Variants in POLI observed in about 807,000 individuals in gnomAD.
The protein encoded by POLI is DNA polymerase iota, also known as RAD30 homolog B.
In POLI, 58 loss-of-function variants were observed where a neutral mutation model predicts 51.6. The observed-to-expected ratio is 1.12, with a 90% CI of 0.91 to 1.40. The LOEUF is 1.40. Ranked by LOEUF, POLI falls within the 40% of genes most tolerant of loss-of-function variation. The probability of loss-of-function intolerance (pLI) is 0.00; values close to 1 mark genes in which losing one functional copy is unlikely to be tolerated. For missense variants in POLI, 921 were observed against 871.3 expected, an observed-to-expected ratio of 1.06 and a Z score of -0.72; for synonymous variants, 322 against 299.7, an observed-to-expected ratio of 1.07 and a Z score of -0.77.
Position 54,289,702 on chromosome 18 carries a change from G to A in POLI, c.1199-2131G>A, listed in dbSNP as rs1385930626. Among the ~76,000 whole-genome samples, 3 of 151,588 alleles carry A rather than the reference G, an allele frequency of 2.0e-5. No homozygotes were observed. In the East Asian group the frequency reaches 5.8e-4, roughly 29 times the overall value. ...ATCTACAACCATCTGATCTTTGACAGACCTGACAGAAACAAGCAATGGGGA... is the reference window on the plus strand; with the variant it reads ...ATCTACAACCATCTGATCTTTGACAAACCTGACAGAAACAAGCAATGGGGA... On this transcript the variant is annotated intron_variant, in intron 8 of 9. Coordinates refer to ENST00000579534, the MANE Select transcript of POLI (RefSeq NM_007195.3).
Position 54,283,630 on chromosome 18 carries a change from A to G in POLI, c.976-292A>G, listed in dbSNP as rs1006936684. On this transcript the variant is annotated intron_variant, in intron 6 of 9. Coordinates refer to ENST00000579534, the MANE Select transcript of POLI (RefSeq NM_007195.3). ...TAAGAACTCTTGCCATAATCATACAATAAAGCTTGGAGTTGGTACTAGAGC... is the reference window on the plus strand; with the variant it reads ...TAAGAACTCTTGCCATAATCATACAGTAAAGCTTGGAGTTGGTACTAGAGC... The G allele has an allele frequency of 1.7e-5, 3 of 177,606 alleles. No individual in the cohort carries two copies. The East Asian group carries it at 4.4e-4, about 26-fold the overall frequency. The allele number at this position is 177,606 out of a possible 1,614,324, so 11.0% of individuals were successfully genotyped here.
rs1243778690 is a variant in POLI at position 54,297,589 on chromosome 18, G to A, written c.*3122G>A. ...TAATATATTTCTTTTTCTATGTTGT[G>A]CTTCTTTCCCACCTTTATCTCTCCT... On this transcript the variant is annotated 3_prime_UTR_variant, in exon 10 of 10. Coordinates refer to ENST00000579534, the MANE Select transcript of POLI (RefSeq NM_007195.3). The A allele has an allele frequency of 3.1e-6, 3 of 978,606 alleles. No homozygotes were observed. Among genetic ancestry groups the A allele is most frequent in the Non-Finnish European group, 3.6e-6 (3 of 824,344 alleles). 60.6% of individuals were successfully genotyped at this position (978,606 alleles called of 1,614,324 possible). A position where few individuals can be genotyped will look rare whatever the true frequency, so the allele number is the denominator to read the frequency against.
chr18:54,271,123 A>G (rs1287507926), intron 1 of POLI: 5 of 330,446 alleles, frequency 1.5e-5, no homozygotes, highest in African/African-American at 8.7e-5. Flanking sequence ...TTTCCCTTCA[A>G]ACTTATTACT....
intron 5 of POLI, 62 bp downstream of exon 5, chr18:54,280,965 A>G: frequency 1.2e-6 from 1 of 858,560 alleles, no homozygotes; most frequent in Non-Finnish European, 1.8e-6. Context: ...AATTTAAAAA[A>G]TTATAGATAC....
At chr18:54,318,155 A>G (rs2088757349) in intron 3 of POLI, among the ~76,000 whole-genome samples, 1 of 152,160 alleles carries the variant, frequency 6.6e-6, no homozygotes, top group South Asian at 2.1e-4. Flanking sequence ...ACTATTTTTA[A>G]AAACAAAGTT....
At chr18:54,314,827 C>G (rs758924720) in intron 3 of POLI, among the ~76,000 whole-genome samples, 5 of 148,230 alleles carry the variant, frequency 3.4e-5, no homozygotes, top group Non-Finnish European at 7.5e-5. Context: ...TTGTTTATTT[C>G]TGATTGTGTT....
At chr18:54,282,443 G>GT (rs2087546304) in intron 5 of POLI, among the ~76,000 whole-genome samples, 4 of 152,084 alleles carry the variant, frequency 2.6e-5, no homozygotes, top group Non-Finnish European at 5.9e-5. Context: ...ACTTTTCACA[G>GT]TTTCTATTAC....
At chr18:54,277,877 C>T (rs1364548340) in intron 4 of POLI, 22 bp downstream of exon 4, 1 of 1,558,640 alleles carries the variant, frequency 6.4e-7, no homozygotes, top group Non-Finnish European at 8.8e-7. Flanking sequence ...CTTATTCATT[C>T]TACCTACTAA....
intron 3 of POLI, among the ~76,000 whole-genome samples, chr18:54,307,808 T>G (rs1363908329): frequency 6.6e-6 from 1 of 152,342 alleles, no homozygotes; most frequent in South Asian, 2.1e-4. Context: ...TTAGCTCTTC[T>G]TGTTGAATTG....
intron 3 of POLI, among the ~76,000 whole-genome samples, chr18:54,274,686 A>G (rs1283812269): frequency 6.6e-6 from 1 of 152,148 alleles, no homozygotes; most frequent in Non-Finnish European, 1.5e-5. Flanking sequence ...GCACATTGCA[A>G]ATATAGTAGG....
intron 3 of POLI, among the ~76,000 whole-genome samples, chr18:54,314,397 C>A (rs1038731847): frequency 6.6e-6 from 1 of 152,114 alleles, no homozygotes; most frequent in African/African-American, 2.4e-5. Flanking sequence ...ATGGTTTTTG[C>A]ATCAATGTTC....
intron 3 of POLI, among the ~76,000 whole-genome samples, chr18:54,312,355 G>A (rs1419683118): frequency 4.6e-5 from 7 of 152,022 alleles, no homozygotes; most frequent in African/African-American, 1.7e-4. Flanking sequence ...GTATATCATT[G>A]ATGGGCACCT....
At chr18:54,299,987 A>T (rs2144627322), downstream of POLI, among the ~76,000 whole-genome samples, 1 of 152,146 alleles carries the variant, frequency 6.6e-6, no homozygotes, top group Middle Eastern at 3.4e-3. Context: ...AAGTTGGTTA[A>T]CTTAGATATC....
chr18:54,273,681 T>G (rs1046805970), intron 2 of POLI, among the ~76,000 whole-genome samples: 1 of 152,014 alleles, frequency 6.6e-6, no homozygotes, highest in Non-Finnish European at 1.5e-5. Context: ...AGATTAAAAG[T>G]GGGGTATGGA....
In POLI at chr18:54,294,195, C is replaced by G. The variant is rs758510587; in HGVS notation, c.1951C>G (p.Pro651Ala). 2 of 1,613,142 alleles carry G rather than the reference C, an allele frequency of 1.2e-6. No homozygotes were observed. Among genetic ancestry groups the G allele is most frequent in the South Asian group, 1.1e-5 (1 of 91,040 alleles). Residue 651 changes from proline to alanine, a missense_variant, in exon 10 of 10, where the codon CCT (proline) becomes GCT (alanine). Physicochemically the swap from Pro to Ala is conservative, Grantham distance 27 (BLOSUM62 -1). Coordinates refer to ENST00000579534, the MANE Select transcript of POLI (RefSeq NM_007195.3). ...AGGATTCCACTTTACAAATTCAAAC[C>G]CTGCTGTGTCTGCTTTTCATTCATT... ...PQGFHFTNSN[P>A]AVSAFHSFPN...
At position 54,283,999 on chromosome 18, in the gene POLI, T is replaced by C. The variant is rs1455620937; in HGVS notation, c.1053T>C (p.Ala351=). 1.4e-6 allele frequency: 2 copies of C among 1,426,232 alleles called. No homozygotes were observed. Among genetic ancestry groups the C allele is most frequent in the African/African-American group, 1.4e-5 (1 of 70,810 alleles). The allele number at this position is 1,426,232 out of a possible 1,614,324, so 88.3% of individuals were successfully genotyped here. Residue 351 remains alanine, a synonymous_variant, in exon 7 of 10, where the codon GCT becomes GCC. Transcript: ENST00000579534. ...EAKNKIEELL[A]SLLNRVCQDG... ...AAAATAAGATTGAAGAACTACTTGC[T>C]AGTCTTTTAAACAGGTGATTTTCAA...
rs937899258 is a variant in POLI at position 54,290,486 on chromosome 18, C to T, written c.1199-1347C>T. ...CAGTGATCCCATTACTGGGTATATA[C>T]CCAAAAGATTATAAATCATGCTACT... On this transcript the variant is annotated intron_variant, in intron 8 of 9. Transcript: ENST00000579534. Among the ~76,000 whole-genome samples the T allele has an allele frequency of 3.9e-5, 6 of 152,206 alleles. No homozygotes were observed. The South Asian group carries it at 8.3e-4, about 21-fold the overall frequency.
intron 8 of POLI, among the ~76,000 whole-genome samples, chr18:54,289,241 G>T (rs2087886485): frequency 6.8e-6 from 1 of 146,422 alleles, no homozygotes; most frequent in Non-Finnish European, 1.5e-5. Context: ...TTTAATACTG[G>T]CTTCTGGGAA....
chr18:54,287,292 A>T lies in POLI; in HGVS notation c.1079A>T (p.Asp360Val). The T allele has an allele frequency of 6.4e-7, 1 of 1,573,092 alleles. No homozygotes were observed. Residue 360 changes from aspartate (D) to valine (V), a missense_variant, in exon 8 of 10, where the codon GAT becomes GTT. By Grantham distance (152) the Asp-to-Val change is radical. Transcript: ENST00000579534. ...CTCTTTATTTTTAGAGTATGCCAAG[A>T]TGGAAGGAAGCCTCATACAGTGAGA... Reference protein sequence around the residue: ...LASLLNRVCQDGRKPHTVRLI... With the variant: ...LASLLNRVCQVGRKPHTVRLI...
Sources: gnomAD v4.1 joint callset for allele counts (sites outside exome capture counted in the v4.1 genomes callset) on GRCh38, gnomAD v4.1.1 for gene constraint, MANE v1.5 for transcripts, NCBI Gene and HGNC (gene_info 2026-07-23, HGNC 2026-07-21) for gene names.